The following LYRM4 variants were observed in gnomAD, a reference collection of about 807,000 sequenced individuals.
LYRM4 encodes the protein LYR motif containing 4, also known as LYR motif-containing protein 4.
A neutral mutation model predicts 11.7 loss-of-function variants in LYRM4; 9 were observed. That is an observed-to-expected ratio of 0.77 (90% CI 0.46 to 1.34). The LOEUF (loss-of-function observed/expected upper bound fraction) is 1.34. Ranked by LOEUF, LYRM4 falls within the 40% of genes most tolerant of loss-of-function variation. The pLI, the probability that LYRM4 is intolerant of heterozygous loss-of-function variation, is 0.00. For missense variants in LYRM4, 133 were observed against 112.5 expected (o/e 1.18, Z -0.82); for synonymous variants, 42 against 40.4 (o/e 1.04, Z -0.15).
At chr6:5,143,036 C>T (rs374811390) in intron 2 of LYRM4, among the ~76,000 whole-genome samples, 40 of 152,350 alleles carry the variant, frequency 2.6e-4, no homozygotes, top group Middle Eastern at 6.8e-3. Context: ...TATGCTCTGT[C>T]CAGCCTCTCC....
At chr6:5,068,798 TA>T in the LYRM4 span, among the ~76,000 whole-genome samples, 1 of 152,166 alleles carries the variant, frequency 6.6e-6, no homozygotes, top group African/African-American at 2.4e-5. The surrounding 1 kb of genome is among the most constrained non-coding windows in gnomAD (Gnocchi z 4.0). Context: ...AAAAAGAATT[TA>T]AAAAAATGAG....
rs56880549 is a variant in LYRM4 at position 5,178,804 on chromosome 6, CAAAAAAAAAA to C, written c.207+37804_207+37813del. Reference sequence around the variant, plus strand: ...TGGGCGACAGAGTGAGACTCTGTCTCAAAAAAAAAAAAAAAAAAAAAAAAAAAAAGAGTTT... The same window carrying C: ...TGGGCGACAGAGTGAGACTCTGTCTCAAAAAAAAAAAAAAAAAAAGAGTTT... On this transcript the variant is annotated intron_variant, in intron 2 of 2. Transcript: ENST00000330636. Among the ~76,000 whole-genome samples, 13 of 30,022 alleles carry C rather than the reference CAAAAAAAAAA, an allele frequency of 4.3e-4. No homozygotes were observed. The East Asian group carries it at 5.9e-3, about 14-fold the overall frequency. 19.7% of individuals were successfully genotyped at this position (30,022 alleles called of 152,430 possible). A position where few individuals can be genotyped will look rare whatever the true frequency, so the allele number is the denominator to read the frequency against.
At chr6:5,074,397 CTTTTTTTT>C in the LYRM4 span, among the ~76,000 whole-genome samples, 21 of 76,738 alleles carry the variant, frequency 2.7e-4, no homozygotes, top group African/African-American at 9.2e-4. Flanking sequence ...AGCACAGGTA[CTTTTTTTT>C]TTTTTTTTTT....
At chr6:5,150,698 C>G (rs1245414786) in intron 2 of LYRM4, among the ~76,000 whole-genome samples, 1 of 152,194 alleles carries the variant, frequency 6.6e-6, no homozygotes, top group Non-Finnish European at 1.5e-5. Context: ...CTCAATCGAG[C>G]CTCCAGCTCT....
chr6:5,146,993 GGA>G (rs1757763964), intron 2 of LYRM4, among the ~76,000 whole-genome samples: 1 of 152,126 alleles, frequency 6.6e-6, no homozygotes, highest in African/African-American at 2.4e-5. Context: ...TGAGATGGAT[GGA>G]ATGATTTCCC....
the LYRM4 span, chr6:5,066,893 C>T: frequency 3.3e-4 from 373 of 1,129,750 alleles, no homozygotes; most frequent in Non-Finnish European, 3.6e-4. Flanking sequence ...TTCGCATCGC[C>T]GCTCCAGACC....
chr6:5,246,591 A>T (rs1764208416), intron 1 of LYRM4, among the ~76,000 whole-genome samples: 1 of 152,168 alleles, frequency 6.6e-6, no homozygotes, highest in Admixed American at 6.5e-5. Flanking sequence ...TGGTATACGG[A>T]CACAGCCACC....
the LYRM4 span, chr6:5,066,927 C>T: frequency 1.8e-6 from 2 of 1,118,202 alleles, no homozygotes; most frequent in Non-Finnish European, 2.5e-6. Context: ...GCGACCAGCG[C>T]CCCCCAAGGC....
At chr6:5,100,546 G>A (rs1762467115), downstream of LYRM4, among the ~76,000 whole-genome samples, 1 of 151,934 alleles carries the variant, frequency 6.6e-6, no homozygotes, top group African/African-American at 2.4e-5. Flanking sequence ...CTTGGGGACA[G>A]GTGTCATCCC....
intron 2 of LYRM4, among the ~76,000 whole-genome samples, chr6:5,174,953 T>G (rs945360740): frequency 6.6e-6 from 1 of 152,208 alleles, no homozygotes; most frequent in Non-Finnish European, 1.5e-5. Flanking sequence ...ATCACACACG[T>G]AATTAATGCA....
At chr6:5,188,887 G>A (rs557704714) in intron 2 of LYRM4, among the ~76,000 whole-genome samples, 2 of 152,030 alleles carry the variant, frequency 1.3e-5, no homozygotes, top group East Asian at 1.9e-4. Context: ...CCTCAGCCTC[G>A]CAAGTAGCTG....
At chr6:5,151,509 C>A (rs1160274321) in intron 2 of LYRM4, among the ~76,000 whole-genome samples, 1 of 152,202 alleles carries the variant, frequency 6.6e-6, no homozygotes, top group Non-Finnish European at 1.5e-5. Context: ...CGTGCCAATT[C>A]CACCCACTTC....
intron 1 of LYRM4, among the ~76,000 whole-genome samples, chr6:5,239,269 TC>T (rs1418043969): frequency 1.3e-5 from 2 of 152,300 alleles, no homozygotes; most frequent in East Asian, 3.9e-4. Context: ...TGAAGTGACT[TC>T]CAGCTTGCAC....
intron 2 of LYRM4, among the ~76,000 whole-genome samples, chr6:5,176,672 G>T (rs1759740105): frequency 6.6e-6 from 1 of 152,206 alleles, no homozygotes; most frequent in Non-Finnish European, 1.5e-5. Flanking sequence ...TGAAGGAAGT[G>T]TGCTTATGTT....
chr6:5,058,530 C>T, the LYRM4 span, among the ~76,000 whole-genome samples: 1 of 152,218 alleles, frequency 6.6e-6, no homozygotes, highest in African/African-American at 2.4e-5. Context: ...CCTGGATTCT[C>T]TCTGTCCTCC....
chr6:5,248,868 A>G (rs961099502), intron 1 of LYRM4, among the ~76,000 whole-genome samples: 3 of 152,256 alleles, frequency 2.0e-5, no homozygotes, highest in African/African-American at 7.2e-5. Context: ...ATCCTCAGCA[A>G]GGAACAATGA....
chr6:5,245,162 A>G (rs1306483394), intron 1 of LYRM4, among the ~76,000 whole-genome samples: 1 of 97,816 alleles, frequency 1.0e-5, no homozygotes, highest in Non-Finnish European at 2.0e-5. Flanking sequence ...ATATATATAT[A>G]TAAAATAGGT....
chr6:5,148,519 G>GGGCGCAGAGTCAGAACTCTGAATCGTAA (rs1349462777), intron 2 of LYRM4, among the ~76,000 whole-genome samples: 5 of 42,992 alleles, frequency 1.2e-4, no homozygotes, highest in East Asian at 2.6e-3. Context: ...GCTGGGCTGG[G>GGGCGCAGAGTCAGAACTCTGAATCGTAA]TATACGCCTT....
chr6:5,165,683 G>A (rs1467457089), intron 2 of LYRM4, among the ~76,000 whole-genome samples: 1 of 151,830 alleles, frequency 6.6e-6, no homozygotes, highest in African/African-American at 2.4e-5. Context: ...GCTGGGACTA[G>A]AGGTGCATAC....
Sources: allele counts gnomAD v4.1 joint callset (sites outside exome capture counted in the v4.1 genomes callset), GRCh38; gene constraint gnomAD v4.1.1; non-coding constraint Gnocchi (gnomAD v3.1); transcripts MANE v1.5; gene names NCBI Gene and HGNC (gene_info 2026-07-23, HGNC 2026-07-21).